Variants in WDR7 observed in about 807,000 individuals in gnomAD.
The protein encoded by WDR7 is WD repeat-containing protein 7.
WDR7 carries 46 observed loss-of-function variants against 169.4 expected under a neutral mutation model. That is an observed-to-expected ratio of 0.27 (90% CI 0.21 to 0.35). The LOEUF (loss-of-function observed/expected upper bound fraction) is 0.35, where lower values mean the gene tolerates loss of function less well. Ranked by LOEUF, WDR7 falls within the 10% of genes least tolerant of loss-of-function variation. WDR7 has a pLI of 1.00. For synonymous variants in WDR7, 612 were observed against 666.8 expected (o/e 0.92, Z 1.27); for missense variants, 1,534 against 1,859.3 (o/e 0.83, Z 3.22).
chr18:56,729,372 G>T (rs536833342), intron 13 of WDR7, among the ~76,000 whole-genome samples: 1 of 152,148 alleles, frequency 6.6e-6, no homozygotes, highest in South Asian at 2.1e-4. Context: ...ACAAGAATAT[G>T]AAGTTCTATA....
intron 14 of WDR7, among the ~76,000 whole-genome samples, chr18:56,755,764 G>A (rs72914692): frequency 0.013 from 1,933 of 152,266 alleles, 19 homozygotes; most frequent in Middle Eastern, 0.031. Flanking sequence ...CTGCCTGAGA[G>A]GGAGAGATTG....
At chr18:56,792,988 G>A (rs747430563) in intron 19 of WDR7, among the ~76,000 whole-genome samples, 59 of 152,224 alleles carry the variant, frequency 3.9e-4, no homozygotes, top group East Asian at 1.2e-3. Flanking sequence ...AAATGACTGC[G>A]CTCTTTGTAG....
chr18:56,826,497 T>A (rs1274613937), intron 20 of WDR7, among the ~76,000 whole-genome samples: 1 of 152,230 alleles, frequency 6.6e-6, no homozygotes, highest in Non-Finnish European at 1.5e-5. Flanking sequence ...TGGTTTCAAG[T>A]CACTTGCAAG....
intron 20 of WDR7, among the ~76,000 whole-genome samples, chr18:56,850,321 A>G (rs1490642160): frequency 6.6e-6 from 1 of 152,150 alleles, no homozygotes; most frequent in Non-Finnish European, 1.5e-5. Flanking sequence ...ACCAGGTTTC[A>G]TTGTTGATCA....
At chr18:56,877,287 A>G (rs904954224) in intron 20 of WDR7, among the ~76,000 whole-genome samples, 1 of 152,198 alleles carries the variant, frequency 6.6e-6, no homozygotes, top group African/African-American at 2.4e-5. Context: ...GAAGAAAGTC[A>G]AACTAAATAA....
intron 25 of WDR7, among the ~76,000 whole-genome samples, chr18:56,956,589 C>T (rs1215779750): frequency 6.6e-6 from 1 of 152,098 alleles, no homozygotes; most frequent in Non-Finnish European, 1.5e-5. Flanking sequence ...TCACTGGTAC[C>T]TTCTTGGGGT....
At chr18:56,652,993 T>C (rs1051277258) in intron 1 of WDR7, among the ~76,000 whole-genome samples, 2 of 152,198 alleles carry the variant, frequency 1.3e-5, no homozygotes, top group African/African-American at 2.4e-5. Context: ...GGTTTCTCCA[T>C]GTAACACACT....
chr18:56,662,276 G>A (rs1193760775), intron 1 of WDR7, among the ~76,000 whole-genome samples: 2 of 152,202 alleles, frequency 1.3e-5, no homozygotes, highest in Non-Finnish European at 2.9e-5. Flanking sequence ...AATACGTCCT[G>A]CTTTTGCATT....
intron 25 of WDR7, among the ~76,000 whole-genome samples, chr18:56,941,845 C>T (rs2047039241): frequency 6.6e-6 from 1 of 152,142 alleles, no homozygotes; most frequent in South Asian, 2.1e-4. Context: ...AAATGGTCCC[C>T]ATCTGAGCGA....
At chr18:56,677,046 C>G (rs2025259940) in intron 2 of WDR7, among the ~76,000 whole-genome samples, 1 of 152,132 alleles carries the variant, frequency 6.6e-6, no homozygotes, top group Non-Finnish European at 1.5e-5. Flanking sequence ...TACAGTGTTG[C>G]AATATTCTGT....
chr18:57,032,166 A>G (rs1374177713), downstream of WDR7: 2 of 152,230 alleles, frequency 1.3e-5, no homozygotes, highest in Admixed American at 6.5e-5. Flanking sequence ...TGAAGTTATC[A>G]CTGATTCCTC....
In WDR7 at chr18:57,027,088, G is replaced by A. The variant is rs751719764; in HGVS notation, c.4354G>A (p.Val1452Met). 3.1e-6 allele frequency: 5 copies of A among 1,614,028 alleles called. No homozygotes were observed. The highest frequency in any genetic ancestry group is 4.2e-6 in the Non-Finnish European group (5 of 1,180,038). The change falls in exon 28 of 28, where the codon GTG becomes ATG. Residue 1452 changes from valine to methionine, a missense_variant. Physicochemically the swap from Val to Met is conservative, Grantham distance 21. Coordinates refer to ENST00000254442, the MANE Select transcript of WDR7 (RefSeq NM_015285.3). ...RCIKTYQVPPVQPASPGSHNA... is the reference protein window; with the variant it reads ...RCIKTYQVPPMQPASPGSHNA... The stretch of plus-strand genomic sequence containing the variant: ...CATTAAAACCTACCAGGTGCCCCCT[G>A]TGCAGCCCGCGTCCCCCGGCTCCCA...
At chr18:56,904,148 C>A (rs2046443959) in intron 21 of WDR7, among the ~76,000 whole-genome samples, 1 of 151,700 alleles carries the variant, frequency 6.6e-6, no homozygotes, top group Non-Finnish European at 1.5e-5. Context: ...CAGCTCACTG[C>A]AACCTCTGCC....
At chr18:56,883,230 A>AAAAG (rs1568247087) in intron 21 of WDR7, among the ~76,000 whole-genome samples, 1 of 148,344 alleles carries the variant, frequency 6.7e-6, no homozygotes, top group Non-Finnish European at 1.5e-5. Flanking sequence ...AAAAAAAAAA[A>AAAAG]GCAGGAAGGT....
intron 13 of WDR7, among the ~76,000 whole-genome samples, chr18:56,718,531 A>G (rs1272800783): frequency 6.6e-6 from 1 of 152,220 alleles, no homozygotes; most frequent in African/African-American, 2.4e-5. Context: ...CAGAAAAGCA[A>G]TGCTGGGCAG....
intron 26 of WDR7, chr18:57,009,915 C>T: frequency 3.0e-6 from 3 of 985,416 alleles, no homozygotes; most frequent in Non-Finnish European, 3.6e-6. Flanking sequence ...TCTAACCAAA[C>T]CATCTTCCGT....
intron 16 of WDR7, among the ~76,000 whole-genome samples, chr18:56,760,171 A>G (rs2043960122): frequency 6.6e-6 from 1 of 152,210 alleles, no homozygotes; most frequent in African/African-American, 2.4e-5. Flanking sequence ...ATACAGAAAC[A>G]TGCACAAAAC....
chr18:56,782,483 A>T (rs1204616006), intron 19 of WDR7, among the ~76,000 whole-genome samples: 1 of 152,048 alleles, frequency 6.6e-6, no homozygotes, highest in Admixed American at 6.6e-5. Context: ...TTTTACCCTA[A>T]ATTATATTGA....
chr18:57,020,338 C>T (rs532084239), intron 26 of WDR7, among the ~76,000 whole-genome samples: 28 of 152,260 alleles, frequency 1.8e-4, no homozygotes, highest in South Asian at 1.2e-3. Context: ...ATTTTTATAA[C>T]GCAGCTTTGA....
Sources: gnomAD v4.1 joint callset for allele counts (sites outside exome capture counted in the v4.1 genomes callset) on GRCh38, gnomAD v4.1.1 for gene constraint, MANE v1.5 for transcripts, NCBI Gene and HGNC (gene_info 2026-07-23, HGNC 2026-07-21) for gene names.